The following RXRA variants were observed in gnomAD, a reference collection of about 807,000 sequenced individuals.
The protein encoded by RXRA is retinoid X receptor alpha.
A neutral mutation model predicts 44.5 loss-of-function variants in RXRA; 5 were observed. That is an observed-to-expected ratio of 0.11 (90% CI 0.06 to 0.24). RXRA has a LOEUF of 0.24. Among genes scored for constraint, RXRA ranks in the 10% least tolerant of loss-of-function variants. RXRA has a pLI of 1.00. For missense variants in RXRA, 412 were observed against 646.5 expected, an observed-to-expected ratio of 0.64 and a Z score of 3.93; for synonymous variants, 291 against 271.4, an observed-to-expected ratio of 1.07 and a Z score of -0.71.
intron 1 of RXRA, among the ~76,000 whole-genome samples, chr9:134,396,452 T>C (rs1588285743): frequency 6.6e-6 from 1 of 151,422 alleles, no homozygotes; most frequent in Non-Finnish European, 1.5e-5. Context: ...GGGCTGGAGG[T>C]GGGTGATCCA....
chr9:134,352,715 G>A (rs782466551), intron 1 of RXRA, among the ~76,000 whole-genome samples: 5 of 152,186 alleles, frequency 3.3e-5, no homozygotes, highest in Non-Finnish European at 5.9e-5. Context: ...TATCTGGGGC[G>A]GGCAGTGTGG....
intron 1 of RXRA, among the ~76,000 whole-genome samples, chr9:134,378,105 G>T (rs1408335088): frequency 1.3e-5 from 2 of 152,392 alleles, no homozygotes; most frequent in East Asian, 3.9e-4. Context: ...GCGACGAGGA[G>T]CTAGCTCGGC....
At chr9:134,341,879 C>T (rs558901476) in intron 1 of RXRA, among the ~76,000 whole-genome samples, 7 of 152,140 alleles carry the variant, frequency 4.6e-5, no homozygotes, top group South Asian at 2.1e-4. Flanking sequence ...TGACTGGCAG[C>T]GTCACTGCCT....
At chr9:134,368,596 CTG>C (rs1471500609) in intron 1 of RXRA, among the ~76,000 whole-genome samples, 4 of 151,142 alleles carry the variant, frequency 2.6e-5, no homozygotes, top group South Asian at 4.2e-4. Flanking sequence ...CTGTAGGTGA[CTG>C]TGAGTGTACA....
At chr9:134,416,411 T>C (rs1350112615) in intron 4 of RXRA, among the ~76,000 whole-genome samples, 2 of 152,140 alleles carry the variant, frequency 1.3e-5, no homozygotes, top group Admixed American at 6.5e-5. Flanking sequence ...TATTTTGTCA[T>C]AATGCTCGGC....
rs1046014336 is a variant in RXRA, at chr9:134,408,508, G to T, written c.430+209G>T. On this transcript the variant is annotated intron_variant, in intron 3 of 9. Transcript: ENST00000481739. ...GTCTGTGGGACAGTGAGTGTTGGGT[G>T]GGGTGGGGCACAGGGCAGCCTGAGG... Among the ~76,000 whole-genome samples the T allele has an allele frequency of 3.9e-5, 6 of 152,354 alleles. No homozygotes were observed. The East Asian group carries it at 7.7e-4, about 20-fold the overall frequency.
intron 1 of RXRA, 29 bp downstream of exon 1, chr9:134,326,688 G>C: frequency 6.1e-6 from 4 of 653,708 alleles, no homozygotes; most frequent in Non-Finnish European, 7.5e-6. Context: ...GGGCGGGGAC[G>C]GGGCCGGGGG....
Position 134,425,481 on chromosome 9 carries a change from T to G in RXRA, c.911-3627T>G, listed in dbSNP as rs968626964. 154 of 980,936 alleles carry G rather than the reference T, an allele frequency of 1.6e-4. No homozygotes were observed. In the African/African-American group the frequency reaches 2.5e-3, roughly 16 times the overall value. The allele number at this position is 980,936 out of a possible 1,614,324, so 60.8% of individuals were successfully genotyped here. On this transcript the variant is annotated intron_variant, in intron 6 of 9. Coordinates refer to ENST00000481739, the MANE Select transcript of RXRA (RefSeq NM_002957.6). ...AGGCTGTTGCTTTCCAAGGCCGTGT[T>G]AGCTGCTCCAGCGGGGTCGTCTGAG...
chr9:134,388,030 G>A (rs1362735307), intron 1 of RXRA, among the ~76,000 whole-genome samples: 1 of 152,132 alleles, frequency 6.6e-6, no homozygotes, highest in East Asian at 1.9e-4. Flanking sequence ...GGCACTTATC[G>A]CTGCACCCCA....
At chr9:134,368,495 G>A (rs769163759) in intron 1 of RXRA, among the ~76,000 whole-genome samples, 1 of 152,234 alleles carries the variant, frequency 6.6e-6, no homozygotes. Flanking sequence ...CTGGCTTTGA[G>A]CAAAAAGTCA....
chr9:134,352,105 CAG>C (rs1243942771), intron 1 of RXRA, among the ~76,000 whole-genome samples: 3 of 152,198 alleles, frequency 2.0e-5, no homozygotes, highest in East Asian at 3.9e-4. Flanking sequence ...CTGTCGAAGG[CAG>C]AGTCGGGCTG....
chr9:134,413,788 A>T (rs1054858323), intron 4 of RXRA, among the ~76,000 whole-genome samples: 8 of 152,036 alleles, frequency 5.3e-5, no homozygotes, highest in Non-Finnish European at 1.0e-4. Flanking sequence ...GGGCTGCTGC[A>T]CCCTGAGTCC....
intron 1 of RXRA, among the ~76,000 whole-genome samples, chr9:134,387,017 C>T (rs1830730263): frequency 6.6e-6 from 1 of 152,346 alleles, no homozygotes; most frequent in South Asian, 2.1e-4. Flanking sequence ...CAGAGAGCAG[C>T]AGGGGGCTTA....
intron 6 of RXRA, chr9:134,425,818 G>A: frequency 1.0e-6 from 1 of 985,386 alleles, no homozygotes; most frequent in Non-Finnish European, 1.2e-6. Flanking sequence ...GACTCTGGGG[G>A]GGCCCTGCCC....
intron 1 of RXRA, among the ~76,000 whole-genome samples, chr9:134,350,014 C>G (rs926051567): frequency 5.9e-5 from 9 of 152,004 alleles, no homozygotes; most frequent in Middle Eastern, 3.4e-3. Flanking sequence ...TGCCTCTTTC[C>G]AGAGCACTTG....
At chr9:134,431,629 C>T (rs1177945115) in intron 7 of RXRA, among the ~76,000 whole-genome samples, 2 of 152,214 alleles carry the variant, frequency 1.3e-5, no homozygotes, top group African/African-American at 2.4e-5. Context: ...CTTAGCACCT[C>T]GGTTCCCAGA....
At chr9:134,404,150 A>T (rs958869185) in intron 2 of RXRA, 1 of 152,250 alleles carries the variant, frequency 6.6e-6, no homozygotes, top group African/African-American at 2.4e-5. Context: ...GCAAAGTCAG[A>T]GTCGCTGGAG....
At chr9:134,425,848 C>T in intron 6 of RXRA, 1 of 985,154 alleles carries the variant, frequency 1.0e-6, no homozygotes, top group South Asian at 4.7e-5. Flanking sequence ...AGTGTGGACT[C>T]ATTTAACTCT....
chr9:134,383,591 G>A (rs1293797492), intron 1 of RXRA, among the ~76,000 whole-genome samples: 3 of 152,158 alleles, frequency 2.0e-5, no homozygotes, highest in African/African-American at 4.8e-5. Flanking sequence ...ACCCACAGAG[G>A]CTTCGCACCT....
Sources: allele counts gnomAD v4.1 joint callset (sites outside exome capture counted in the v4.1 genomes callset), GRCh38; gene constraint gnomAD v4.1.1; transcripts MANE v1.5; gene names NCBI Gene and HGNC (gene_info 2026-07-23, HGNC 2026-07-21).